GOLGA4: variants seen among roughly 807,000 people sequenced by gnomAD.
GOLGA4 encodes the protein golgin subfamily A member 4.
Under a neutral mutation model 265.9 loss-of-function variants are expected in GOLGA4, and 169 were observed. That is an observed-to-expected ratio of 0.64 (90% CI 0.56 to 0.72). The LOEUF is 0.72. Ranked by LOEUF, GOLGA4 falls within the 30% of genes least tolerant of loss-of-function variation. The pLI is 0.00. For missense variants in GOLGA4, 2,482 were observed against 2,483.4 expected (o/e 1.00, Z 0.01); for synonymous variants, 923 against 855.8 (o/e 1.08, Z -1.37).
intron 22 of GOLGA4, among the ~76,000 whole-genome samples, chr3:37,358,891 G>A (rs2097097294): frequency 6.6e-6 from 1 of 152,162 alleles, no homozygotes; most frequent in Admixed American, 6.5e-5. Context: ...TGGTTTGACT[G>A]CTGTATAACT....
intron 2 of GOLGA4, among the ~76,000 whole-genome samples, chr3:37,256,564 A>T (rs979981892): frequency 2.6e-5 from 4 of 152,186 alleles, no homozygotes; most frequent in Non-Finnish European, 5.9e-5. Context: ...TGAAGTCTAC[A>T]TTAAGTCTAC....
chr3:37,328,145 G>A (rs1247331892), intron 14 of GOLGA4, among the ~76,000 whole-genome samples: 1 of 150,618 alleles, frequency 6.6e-6, no homozygotes, highest in African/African-American at 2.4e-5. Flanking sequence ...ACATAGATGT[G>A]TTTTGAAAAA....
chr3:37,279,028 G>C (rs189220255), intron 2 of GOLGA4, among the ~76,000 whole-genome samples: 51 of 152,130 alleles, frequency 3.4e-4, no homozygotes, highest in Non-Finnish European at 5.7e-4. Context: ...GTTGAGTTTA[G>C]CAAATTAAAA....
At chr3:37,260,455 A>C (rs2096766510) in intron 2 of GOLGA4, among the ~76,000 whole-genome samples, 1 of 151,562 alleles carries the variant, frequency 6.6e-6, no homozygotes, top group Non-Finnish European at 1.5e-5. Context: ...AACCCACCCC[A>C]CCCCCGCTGT....
intron 4 of GOLGA4, among the ~76,000 whole-genome samples, chr3:37,288,669 G>T (rs180713269): frequency 6.6e-6 from 1 of 151,262 alleles, no homozygotes; most frequent in East Asian, 2.0e-4. Context: ...TAGTAGAGAA[G>T]GGGTTTCACC....
In GOLGA4 at chr3:37,324,911, GC is replaced by G; in HGVS notation, c.3026del (p.Ala1009ValfsTer21). ...TGCCAAAATGCTGGAAATGGCACAGGCTAACTCAGCTGGAATCAGTGATGCA... is the reference window on the plus strand; with the variant it reads ...TGCCAAAATGCTGGAAATGGCACAGGTAACTCAGCTGGAATCAGTGATGCA... ...FNAKMLEMAQANSAGISDAVS... is the reference protein window; with the variant it reads ...FNAKMLEMAQXNSAGISDAVS... On this transcript the variant is annotated frameshift_variant, in exon 14 of 24. Transcript: ENST00000361924. LOFTEE classifies it high-confidence loss of function. 1 of 1,611,432 alleles carries G rather than the reference GC, an allele frequency of 6.2e-7. No homozygotes were observed. Among genetic ancestry groups the G allele is most frequent in the Non-Finnish European group, 8.5e-7 (1 of 1,179,266 alleles).
chr3:37,321,880 C>G lies in GOLGA4; in HGVS notation c.1695C>G (p.Tyr565Ter). ...LRDLQQEAETYRTRILELESS... is the reference protein window; with the variant it reads ...LRDLQQEAET ...ACCTTCAGCAAGAAGCAGAGACTTA[C>G]AGAACTGTAAGTTTTAATAATATTC... The change falls in exon 13 of 24, where the codon TAC becomes TAG. Residue 565 changes from tyrosine (Y) to a stop codon, truncating the protein, a stop_gained. Coordinates refer to ENST00000361924, the MANE Select transcript of GOLGA4 (RefSeq NM_002078.5). LOFTEE classifies it high-confidence loss of function. The G allele has an allele frequency of 6.3e-7, 1 of 1,591,844 alleles. No individual in the cohort carries two copies. The highest frequency in any genetic ancestry group is 8.5e-7 in the Non-Finnish European group (1 of 1,173,464).
At chr3:37,353,860 T>C (rs938740985) in intron 21 of GOLGA4, among the ~76,000 whole-genome samples, 4 of 152,080 alleles carry the variant, frequency 2.6e-5, no homozygotes, top group African/African-American at 9.7e-5. Context: ...CCCAAAGTGT[T>C]GGGATTACAG....
In GOLGA4 at chr3:37,326,584, T is replaced by C. The variant is rs2096971568; in HGVS notation, c.4698T>C (p.Leu1566=). 6.2e-7 allele frequency: 1 copy of C among 1,613,002 alleles called. No homozygotes were observed. Among genetic ancestry groups the C allele is most frequent in the Non-Finnish European group, 8.5e-7 (1 of 1,179,518 alleles). ...AACACAAAGAATTGGTTCAGAAACT[T>C]CAACATTTTCAAGAGTTAGGAGAAG... The part of the protein sequence containing the change: ...DIEHKELVQK[L]QHFQELGEEK... Residue 1566 remains leucine (L), a synonymous_variant, in exon 14 of 24, where the codon CTT becomes CTC. Coordinates refer to ENST00000361924, the MANE Select transcript of GOLGA4 (RefSeq NM_002078.5).
chr3:37,246,705 C>T (rs2096720641), intron 1 of GOLGA4, among the ~76,000 whole-genome samples: 1 of 152,152 alleles, frequency 6.6e-6, no homozygotes, highest in African/African-American at 2.4e-5. Flanking sequence ...GATTCCACAA[C>T]AGTGTGAATG....
At chr3:37,299,600 T>C (rs2096887533) in intron 9 of GOLGA4, among the ~76,000 whole-genome samples, 1 of 152,236 alleles carries the variant, frequency 6.6e-6, no homozygotes, top group African/African-American at 2.4e-5. Flanking sequence ...ATTTGTAGAC[T>C]AGAATAACTG....
chr3:37,325,315 GAAT>G lies in GOLGA4; in HGVS notation c.3432_3434del (p.Asn1144del). The G allele has an allele frequency of 6.2e-7, 1 of 1,613,680 alleles. No homozygotes were observed. Among genetic ancestry groups the G allele is most frequent in the South Asian group, 1.1e-5 (1 of 90,998 alleles). ...ATCTTGAAAAGCTAGAGGTTGACTT[GAAT>G]AAGTCTCTGAAGGAAAATACTTTTC... On this transcript the variant is annotated inframe_deletion, in exon 14 of 24. Transcript: ENST00000361924.
At chr3:37,246,197 C>T (rs1015589593) in intron 1 of GOLGA4, among the ~76,000 whole-genome samples, 2 of 151,814 alleles carry the variant, frequency 1.3e-5, no homozygotes, top group Admixed American at 1.3e-4. Flanking sequence ...ATCCTGGCTA[C>T]TCCAGAGGCT....
In GOLGA4 at chr3:37,243,626, C is replaced by T. The variant is rs2096708853; in HGVS notation, c.72+4C>T. On this transcript the variant is annotated splice_donor_region_variant and intron_variant, in intron 1 of 23. Transcript: ENST00000361924. ...GCAGGCGCTGGCTCCTGCTCAGGTA[C>T]GATGGCCGCCGCTCTCCTCCCCTGG... is the stretch of plus-strand genomic sequence containing the variant. The T allele has an allele frequency of 6.2e-7, 1 of 1,607,956 alleles. No homozygotes were observed. Among genetic ancestry groups the T allele is most frequent in the Non-Finnish European group, 8.5e-7 (1 of 1,176,210 alleles).
At position 37,366,242 on chromosome 3, in the gene GOLGA4, C is replaced by T. The variant is rs937967723; in HGVS notation, c.*196C>T. The T allele has an allele frequency of 5.7e-6, 3 of 529,134 alleles. No individual in the cohort carries two copies. The highest frequency in any genetic ancestry group is 9.7e-6 in the Non-Finnish European group (3 of 310,176). The allele number at this position is 529,134 out of a possible 1,614,324, so 32.8% of individuals were successfully genotyped here. A position where few individuals can be genotyped will look rare whatever the true frequency, so the allele number is the denominator to read the frequency against. Reference sequence around the variant, plus strand: ...GGCCCACAGATAAGTTGCAGACTGCCTTTAAAATAGATTTTATCAGTGGAG... The same window carrying T: ...GGCCCACAGATAAGTTGCAGACTGCTTTTAAAATAGATTTTATCAGTGGAG... On this transcript the variant is annotated 3_prime_UTR_variant, in exon 24 of 24. Coordinates refer to ENST00000361924, the MANE Select transcript of GOLGA4 (RefSeq NM_002078.5).
In GOLGA4 at chr3:37,326,923, A is replaced by C. The variant is rs2096973045; in HGVS notation, c.5037A>C (p.Thr1679=). ...GTESHLSELN[T]KLQEREREVH... The stretch of plus-strand genomic sequence containing the variant: ...AAAGCCATTTGAGTGAGCTAAATAC[A>C]AAATTGCAGGAAAGAGAAAGGGAAG... The change falls in exon 14 of 24, where the codon ACA becomes ACC. Residue 1679 remains threonine (T), a synonymous_variant. Coordinates refer to ENST00000361924, the MANE Select transcript of GOLGA4 (RefSeq NM_002078.5). 6.2e-7 allele frequency: 1 copy of C among 1,613,958 alleles called. No individual in the cohort carries two copies. Among genetic ancestry groups the C allele is most frequent in the Non-Finnish European group, 8.5e-7 (1 of 1,179,830 alleles).
intron 20 of GOLGA4, 28 bp from the exon 21 acceptor site, chr3:37,347,165 C>G (rs775437320): frequency 2.2e-6 from 3 of 1,338,146 alleles, no homozygotes; most frequent in Non-Finnish European, 3.2e-6. Context: ...TTTGTCTTTA[C>G]AGTTTGATCT....
chr3:37,259,055 T>G (rs1419486969), intron 2 of GOLGA4, among the ~76,000 whole-genome samples: 1 of 152,190 alleles, frequency 6.6e-6, no homozygotes, highest in African/African-American at 2.4e-5. Context: ...AGAATTGCTA[T>G]TAATTCTTTA....
At chr3:37,307,690 AC>A (rs1479742325) in intron 10 of GOLGA4, among the ~76,000 whole-genome samples, 1 of 152,190 alleles carries the variant, frequency 6.6e-6, no homozygotes, top group Non-Finnish European at 1.5e-5. Flanking sequence ...GATAAATAAT[AC>A]GTACGTATTT....
Sources: allele counts gnomAD v4.1 joint callset (sites outside exome capture counted in the v4.1 genomes callset), GRCh38; gene constraint gnomAD v4.1.1; transcripts MANE v1.5; gene names NCBI Gene and HGNC (gene_info 2026-07-23, HGNC 2026-07-21).